The following PPP2R2B variants were observed in gnomAD, a reference collection of about 807,000 sequenced individuals.
PPP2R2B encodes the protein protein phosphatase 2 regulatory subunit Bbeta.
In PPP2R2B, 5 loss-of-function variants were observed where a neutral mutation model predicts 46.0. The observed-to-expected ratio is 0.11, with a 90% CI of 0.06 to 0.23. PPP2R2B has a LOEUF of 0.23. Ranked by LOEUF, PPP2R2B falls within the 10% of genes least tolerant of loss-of-function variation. PPP2R2B has a pLI of 1.00. For missense variants in PPP2R2B, 367 were observed against 575.0 expected, an observed-to-expected ratio of 0.64 and a Z score of 3.70; for synonymous variants, 215 against 206.7, an observed-to-expected ratio of 1.04 and a Z score of -0.34.
intron 2 of PPP2R2B, among the ~76,000 whole-genome samples, chr5:146,776,115 G>A (rs1755166097): frequency 6.6e-6 from 1 of 151,996 alleles, no homozygotes; most frequent in Non-Finnish European, 1.5e-5. Flanking sequence ...AAATCCTAAT[G>A]GTGTTTCTTG....
intron 1 of PPP2R2B, among the ~76,000 whole-genome samples, chr5:147,032,861 T>C (rs1000398867): frequency 1.3e-5 from 2 of 152,218 alleles, no homozygotes; most frequent in Non-Finnish European, 2.9e-5. Context: ...TCTTTTCCTC[T>C]GGGTAGATAC....
At chr5:146,919,725 C>T (rs1582427350) in intron 1 of PPP2R2B, 1 of 152,190 alleles carries the variant, frequency 6.6e-6, no homozygotes, top group African/African-American at 2.4e-5. Flanking sequence ...TCTCCATGGA[C>T]AGCCCAAACA....
chr5:146,762,001 C>T (rs530377935), intron 2 of PPP2R2B, among the ~76,000 whole-genome samples: 6 of 152,292 alleles, frequency 3.9e-5, no homozygotes, highest in African/African-American at 1.4e-4. Flanking sequence ...CATTTCCAAT[C>T]TGTCTTGGGA....
intron 7 of PPP2R2B, among the ~76,000 whole-genome samples, chr5:146,636,592 T>C (rs542256456): frequency 6.6e-5 from 10 of 152,228 alleles, no homozygotes; most frequent in African/African-American, 2.2e-4. Context: ...CCTCCTTCCA[T>C]GGCAGCAGGG....
chr5:146,598,519 T>C (rs559589419), intron 8 of PPP2R2B, among the ~76,000 whole-genome samples: 9 of 152,340 alleles, frequency 5.9e-5, no homozygotes, highest in South Asian at 2.1e-4. Flanking sequence ...CAGACTCACA[T>C]TGAAGTGTCT....
At chr5:146,743,068 C>T (rs1004055617) in intron 2 of PPP2R2B, among the ~76,000 whole-genome samples, 8 of 152,190 alleles carry the variant, frequency 5.3e-5, no homozygotes, top group African/African-American at 1.7e-4. Flanking sequence ...CTGTTATTTA[C>T]ACCACCCACT....
intron 2 of PPP2R2B, among the ~76,000 whole-genome samples, chr5:146,797,295 T>G (rs923752471): frequency 6.6e-6 from 1 of 152,216 alleles, no homozygotes; most frequent in Non-Finnish European, 1.5e-5. Flanking sequence ...TCCATGCCAC[T>G]ATTGCTAATT....
intron 1 of PPP2R2B, among the ~76,000 whole-genome samples, chr5:146,895,265 G>T (rs1762609521): frequency 6.6e-6 from 1 of 152,142 alleles, no homozygotes. Context: ...ATCTTTTCAA[G>T]AGGAAAGAAT....
intron 1 of PPP2R2B, among the ~76,000 whole-genome samples, chr5:146,946,054 C>T (rs1387000344): frequency 6.6e-6 from 1 of 152,112 alleles, no homozygotes; most frequent in Non-Finnish European, 1.5e-5. Flanking sequence ...GTTTTTGAGC[C>T]AAGCCAGCCG....
intron 5 of PPP2R2B, among the ~76,000 whole-genome samples, chr5:146,678,666 C>T (rs1166248115): frequency 6.7e-6 from 1 of 148,474 alleles, no homozygotes; most frequent in Non-Finnish European, 1.5e-5. Flanking sequence ...CCCAAAATCT[C>T]CTTAAGCTGA....
chr5:146,899,149 A>T (rs966606031), intron 1 of PPP2R2B, among the ~76,000 whole-genome samples: 5 of 149,050 alleles, frequency 3.4e-5, no homozygotes, highest in African/African-American at 1.3e-4. Flanking sequence ...ACTATAAATC[A>T]TGCTGCTATA....
chr5:146,985,619 C>A (rs892538419), intron 1 of PPP2R2B, among the ~76,000 whole-genome samples: 3 of 152,038 alleles, frequency 2.0e-5, no homozygotes, highest in African/African-American at 7.2e-5. Flanking sequence ...ACATTATACT[C>A]AAAAATAAAA....
intron 1 of PPP2R2B, among the ~76,000 whole-genome samples, chr5:147,022,184 C>G (rs917593820): frequency 5.9e-5 from 9 of 151,988 alleles, no homozygotes; most frequent in Non-Finnish European, 1.0e-4. Flanking sequence ...AGGAAACTAT[C>G]AAGTCATTGA....
At chr5:146,724,417 T>A (rs1751716565) in intron 2 of PPP2R2B, among the ~76,000 whole-genome samples, 1 of 152,096 alleles carries the variant, frequency 6.6e-6, no homozygotes, top group Non-Finnish European at 1.5e-5. Flanking sequence ...TCCACCCAAA[T>A]AAAAGCTTAT....
intron 1 of PPP2R2B, among the ~76,000 whole-genome samples, chr5:146,946,597 C>T (rs1162528718): frequency 6.6e-6 from 1 of 151,998 alleles, no homozygotes; most frequent in Non-Finnish European, 1.5e-5. Flanking sequence ...AACTGTTAGG[C>T]CGAAAGATTA....
At chr5:146,956,908 C>T (rs111233290) in intron 1 of PPP2R2B, among the ~76,000 whole-genome samples, 16 of 152,266 alleles carry the variant, frequency 1.1e-4, no homozygotes, top group African/African-American at 3.4e-4. Context: ...GCATTAATCC[C>T]ATTTATTAGG....
At chr5:146,944,301 A>G (rs1473796186) in intron 1 of PPP2R2B, among the ~76,000 whole-genome samples, 1 of 152,150 alleles carries the variant, frequency 6.6e-6, no homozygotes, top group Non-Finnish European at 1.5e-5. Context: ...AAACTATTTC[A>G]TTAATTGAAG....
intron 2 of PPP2R2B, among the ~76,000 whole-genome samples, chr5:146,730,115 C>T (rs1172660640): frequency 6.6e-6 from 1 of 152,108 alleles, no homozygotes; most frequent in Non-Finnish European, 1.5e-5. Flanking sequence ...AAGACTCTTA[C>T]ATCAGTGTGA....
Position 146,722,043 on chromosome 5 carries a change from A to T in PPP2R2B, c.71-20901T>A, listed in dbSNP as rs115983376. Among the ~76,000 whole-genome samples, 534 of 152,234 alleles carry T rather than the reference A, an allele frequency of 3.5e-3. 3 individuals carry two copies. Among genetic ancestry groups the T allele is most frequent in the African/African-American group, 0.012 (518 of 41,544 alleles). On this transcript the variant is annotated intron_variant, in intron 2 of 9. Transcript: ENST00000394411. Reference sequence around the variant, plus strand: ...GGTAGATGTCATTATTACTACCCCCATTTTACAGATGAGGAAACTGAGTCA... The same window carrying T: ...GGTAGATGTCATTATTACTACCCCCTTTTTACAGATGAGGAAACTGAGTCA...
Sources: allele counts gnomAD v4.1 joint callset (sites outside exome capture counted in the v4.1 genomes callset), GRCh38; gene constraint gnomAD v4.1.1; transcripts MANE v1.5; gene names NCBI Gene and HGNC (gene_info 2026-07-23, HGNC 2026-07-21).